HNRNPK: variants seen among roughly 807,000 people sequenced by gnomAD.
The protein encoded by HNRNPK is heterogeneous nuclear ribonucleoprotein K, also known as dC-stretch binding protein.
In HNRNPK, 7 loss-of-function variants were observed where a neutral mutation model predicts 67.0. The observed-to-expected ratio is 0.10, with a 90% CI of 0.06 to 0.20. HNRNPK has a LOEUF of 0.20. Among genes scored for constraint, HNRNPK ranks in the 10% least tolerant of loss-of-function variants. HNRNPK has a pLI of 1.00. For missense variants in HNRNPK, 264 were observed against 606.5 expected (o/e 0.44, Z 5.93); for synonymous variants, 213 against 193.7 (o/e 1.10, Z -0.83).
At chr9:83,976,475 C>T (rs1957068346) in intron 5 of HNRNPK, 2 of 152,226 alleles carry the variant, frequency 1.3e-5, no homozygotes, top group Admixed American at 6.5e-5. Flanking sequence ...AACAGTTTCC[C>T]AATTATAAGA....
chr9:83,979,759 G>A (rs1957286434), intron 1 of HNRNPK, among the ~76,000 whole-genome samples: 1 of 151,270 alleles, frequency 6.6e-6, no homozygotes, highest in Non-Finnish European at 1.5e-5. Flanking sequence ...AAGCCATCGA[G>A]GCAGCCCTGA....
In HNRNPK at chr9:83,973,761, A is replaced by G. The variant is rs1564064577; in HGVS notation, c.402+141T>C. On this transcript the variant is annotated intron_variant, in intron 8 of 16. Coordinates refer to ENST00000376263, the MANE Select transcript of HNRNPK (RefSeq NM_031263.4). Reference sequence around the variant, plus strand: ...CACTGCAGCATGGAGCAGGGTCAACAGTGAGTTGTAAGACCATTCATGTAT... The same window carrying G: ...CACTGCAGCATGGAGCAGGGTCAACGGTGAGTTGTAAGACCATTCATGTAT... 9 of 629,896 alleles carry G rather than the reference A, an allele frequency of 1.4e-5. No homozygotes were observed. In the East Asian group the frequency reaches 2.5e-4, roughly 18 times the overall value. 39.0% of individuals were successfully genotyped at this position (629,896 alleles called of 1,614,324 possible).
At chr9:83,971,400 G>A in intron 12 of HNRNPK, 44 bp from the exon 13 acceptor site, 1 of 1,327,270 alleles carries the variant, frequency 7.5e-7, no homozygotes, top group Non-Finnish European at 1.1e-6. Context: ...ATTGTATTTT[G>A]TTATAGAGCT....
intron 4 of HNRNPK, 149 bp from the exon 5 acceptor site, chr9:83,977,200 CCAAACCAAAAAT>C: frequency 1.6e-6 from 1 of 617,690 alleles, no homozygotes; most frequent in South Asian, 2.1e-5. Context: ...CAGGCCAAAA[CCAAACCAAAAAT>C]CAAAATATAA....
chr9:83,978,950 C>T (rs1957210840), intron 1 of HNRNPK, among the ~76,000 whole-genome samples: 1 of 152,128 alleles, frequency 6.6e-6, no homozygotes, highest in Admixed American at 6.5e-5. Flanking sequence ...AGGGATAAAT[C>T]CAAAAATCTA....
chr9:83,975,592 C>T (rs1957036097), intron 5 of HNRNPK, 87 bp from the exon 6 acceptor site: 6 of 1,192,788 alleles, frequency 5.0e-6, no homozygotes, highest in East Asian at 2.3e-5. Context: ...CGTTTGGCAA[C>T]GAGCACATTT....
At chr9:83,973,029 G>A (rs1956922508) in intron 9 of HNRNPK, 57 bp from the exon 10 acceptor site, 2 of 1,311,950 alleles carry the variant, frequency 1.5e-6, no homozygotes, top group Non-Finnish European at 1.0e-6. Context: ...AGCTTTCCTA[G>A]GTTCAGTGAA....
intron 5 of HNRNPK, 180 bp from the exon 6 acceptor site, chr9:83,975,685 C>T (rs1043159389): frequency 3.0e-6 from 2 of 667,952 alleles, no homozygotes; most frequent in East Asian, 2.7e-5. Flanking sequence ...AGGGGTAAGT[C>T]GATCCAGTAC....
Position 83,969,073 on chromosome 9 carries a change from C to T in HNRNPK, c.*334G>A. On this transcript the variant is annotated 3_prime_UTR_variant, in exon 17 of 17. Transcript: ENST00000376263. The stretch of plus-strand genomic sequence containing the variant: ...CAGTGACCACAAAGCAAGGTGTTCA[C>T]AATAATTACATGGGGGGAATTTTTT... The T allele has an allele frequency of 4.2e-6, 2 of 474,226 alleles. No homozygotes were observed. The highest frequency in any genetic ancestry group is 7.5e-6 in the Non-Finnish European group (2 of 266,862). 29.4% of individuals were successfully genotyped at this position (474,226 alleles called of 1,614,324 possible). A position where few individuals can be genotyped will look rare whatever the true frequency, so the allele number is the denominator to read the frequency against.
intron 5 of HNRNPK, chr9:83,975,756 A>C (rs977790133): frequency 3.2e-5 from 18 of 565,172 alleles, no homozygotes; most frequent in East Asian, 2.9e-4. Flanking sequence ...AAAAGCAATA[A>C]ATTTTAATTT....
chr9:83,971,821 G>C, intron 11 of HNRNPK, 61 bp downstream of exon 11: 1 of 1,576,872 alleles, frequency 6.3e-7, no homozygotes, highest in East Asian at 2.2e-5. Context: ...GCAGCCTCTT[G>C]CAGGTTAATA....
chr9:83,976,136 C>T (rs1430354006), intron 5 of HNRNPK, among the ~76,000 whole-genome samples: 11 of 152,120 alleles, frequency 7.2e-5, no homozygotes, highest in Admixed American at 7.2e-4. Flanking sequence ...TTTTGAAATG[C>T]ATTCCTAGAT....
chr9:83,971,263 GAT>G lies in HNRNPK; in HGVS notation c.1092+8_1092+9del. 7.7e-6 allele frequency: 12 copies of G among 1,552,006 alleles called. No homozygotes were observed. The highest frequency in any genetic ancestry group is 8.9e-6 in the Non-Finnish European group (10 of 1,123,834). On this transcript the variant is annotated splice_region_variant and intron_variant, in intron 13 of 16. Coordinates refer to ENST00000376263, the MANE Select transcript of HNRNPK (RefSeq NM_031263.4). ...CACTGATATACACACGAACAACTAT[GAT>G]ACTCAACCTGTGGTTCATAAGCCAT...
intron 7 of HNRNPK, 43 bp downstream of exon 7, chr9:83,974,474 C>T (rs1420103060): frequency 5.3e-6 from 5 of 934,744 alleles, no homozygotes; most frequent in African/African-American, 4.9e-5. Flanking sequence ...TTAAACATTC[C>T]CCCCTCATAT....
At position 83,971,434 on chromosome 9, in the gene HNRNPK, T is replaced by C. The variant is rs546935337; in HGVS notation, c.1009-78A>G. The C allele has an allele frequency of 1.9e-4, 197 of 1,017,558 alleles. 1 individual carries two copies. Among genetic ancestry groups the C allele is most frequent in the South Asian group, 1.9e-3 (146 of 77,432 alleles). 63.0% of individuals were successfully genotyped at this position (1,017,558 alleles called of 1,614,324 possible). On this transcript the variant is annotated intron_variant, in intron 12 of 16. Transcript: ENST00000376263. ...CTGTTTTTAATATGCCTAATTTGCA[T>C]GTTACATTAAAACAAAAGAGGGTAC...
chr9:83,970,043 G>GT, intron 16 of HNRNPK, 119 bp downstream of exon 16: 1 of 767,884 alleles, frequency 1.3e-6, no homozygotes, highest in South Asian at 1.7e-5. Flanking sequence ...ATGTTTAGAA[G>GT]TTAGGTCCCC....
rs528129316 is a variant in HNRNPK, at chr9:83,973,068, C to T, written c.517-96G>A. On this transcript the variant is annotated intron_variant, in intron 9 of 16. Coordinates refer to ENST00000376263, the MANE Select transcript of HNRNPK (RefSeq NM_031263.4). ...TGCATTTGAATTCAACAATTAACCC[C>T]CCACAATATAAAAACTTCATTAATT... The T allele has an allele frequency of 2.9e-5, 26 of 896,286 alleles. 1 individual carries two copies. In the South Asian group the frequency reaches 4.2e-4, roughly 14 times the overall value. 55.5% of individuals were successfully genotyped at this position (896,286 alleles called of 1,614,324 possible).
chr9:83,974,725 C>T, intron 6 of HNRNPK, 136 bp from the exon 7 acceptor site: 1 of 617,092 alleles, frequency 1.6e-6, no homozygotes, highest in Non-Finnish European at 2.8e-6. Flanking sequence ...TTAAAGTAGC[C>T]TATTTATAGA....
In HNRNPK at chr9:83,970,927, A is replaced by T; in HGVS notation, c.1093-15T>A. 6.2e-7 allele frequency: 1 copy of T among 1,610,370 alleles called. No homozygotes were observed. The highest frequency in any genetic ancestry group is 8.5e-7 in the Non-Finnish European group (1 of 1,176,846). ...CCGGAGCCACCCTAAAAACAGAAAG[A>T]AAAAAATAGAAAATTACTTTGCCGT... On this transcript the variant is annotated splice_polypyrimidine_tract_variant and intron_variant, in intron 13 of 16. Transcript: ENST00000376263.
Sources: gnomAD v4.1 joint callset for allele counts (sites outside exome capture counted in the v4.1 genomes callset) on GRCh38, gnomAD v4.1.1 for gene constraint, MANE v1.5 for transcripts, NCBI Gene and HGNC (gene_info 2026-07-23, HGNC 2026-07-21) for gene names.